CAMK1D: variants seen among roughly 807,000 people sequenced by gnomAD.
CAMK1D encodes calcium/calmodulin-dependent protein kinase type 1D.
CAMK1D carries 9 observed loss-of-function variants against 47.7 expected under a neutral mutation model. The ratio of observed to expected loss-of-function variants is 0.19; its 90% CI spans 0.11 to 0.33. The LOEUF is 0.33. CAMK1D is among the 10% of genes least tolerant of loss of function. CAMK1D has a pLI of 1.00. For missense variants in CAMK1D, 291 were observed against 488.7 expected (o/e 0.60, Z 3.81); for synonymous variants, 184 against 184.9 (o/e 0.99, Z 0.04).
At chr10:12,572,458 G>T (rs1462655050) in intron 2 of CAMK1D, among the ~76,000 whole-genome samples, 3 of 152,078 alleles carry the variant, frequency 2.0e-5, no homozygotes, top group Non-Finnish European at 4.4e-5. Context: ...TTTTTGCATA[G>T]CAAAGGATTG....
chr10:12,786,977 G>T (rs1837752409), intron 5 of CAMK1D, among the ~76,000 whole-genome samples: 1 of 152,170 alleles, frequency 6.6e-6, no homozygotes, highest in Non-Finnish European at 1.5e-5. Context: ...ACAAAAAGTA[G>T]TCAGGCGTGG....
intron 1 of CAMK1D, among the ~76,000 whole-genome samples, chr10:12,418,472 G>A (rs142939464): frequency 3.3e-5 from 5 of 152,268 alleles, no homozygotes; most frequent in East Asian, 1.9e-4. Context: ...GCTGGGCACC[G>A]TGGCATATGC....
At chr10:12,671,698 TTTA>T (rs1159833938) in intron 3 of CAMK1D, among the ~76,000 whole-genome samples, 1 of 151,846 alleles carries the variant, frequency 6.6e-6, no homozygotes, top group African/African-American at 2.4e-5. Flanking sequence ...TAATTTGTCT[TTTA>T]TTGTTGTAAG....
intron 1 of CAMK1D, among the ~76,000 whole-genome samples, chr10:12,502,383 A>C (rs557766011): frequency 6.6e-6 from 1 of 152,152 alleles, no homozygotes; most frequent in Non-Finnish European, 1.5e-5. Flanking sequence ...TTCTCAGGTT[A>C]CCAGTGAGAA....
At chr10:12,377,924 A>T (rs1303782671) in intron 1 of CAMK1D, among the ~76,000 whole-genome samples, 1 of 152,252 alleles carries the variant, frequency 6.6e-6, no homozygotes, top group African/African-American at 2.4e-5. Context: ...AGTTTAAACT[A>T]TATCTTGCAT....
intron 3 of CAMK1D, among the ~76,000 whole-genome samples, chr10:12,731,628 A>G (rs1834888233): frequency 6.6e-6 from 1 of 152,198 alleles, no homozygotes. Context: ...GGGACGGTGT[A>G]TGGCAAGGAG....
At chr10:12,540,922 GTTTT>G (rs200320640) in intron 1 of CAMK1D, among the ~76,000 whole-genome samples, 46 of 145,004 alleles carry the variant, frequency 3.2e-4, no homozygotes, top group East Asian at 7.9e-4. Context: ...TGAGTTATAG[GTTTT>G]TTTTTTTTTT....
chr10:12,639,065 G>T (rs1047993773), intron 2 of CAMK1D, among the ~76,000 whole-genome samples: 10 of 152,236 alleles, frequency 6.6e-5, no homozygotes, highest in East Asian at 3.8e-4. Flanking sequence ...CGTGGAAAGT[G>T]ATCAGTATCC....
Position 12,733,343 on chromosome 10 carries a change from A to G in CAMK1D, c.300-27605A>G, listed in dbSNP as rs144715599. Among the ~76,000 whole-genome samples, 184 of 152,334 alleles carry G rather than the reference A, an allele frequency of 1.2e-3. 1 individual carries two copies. Among genetic ancestry groups the G allele is most frequent in the African/African-American group, 4.1e-3 (171 of 41,570 alleles). On this transcript the variant is annotated intron_variant, in intron 3 of 10. Coordinates refer to ENST00000619168, the MANE Select transcript of CAMK1D (RefSeq NM_153498.4). ...AGAAGGAGAGAATAGTAATATTTTA[A>G]GAGAAAAATTGCAGAATTGAAAACC... is the stretch of plus-strand genomic sequence containing the variant.
chr10:12,732,520 C>T (rs1044277410), intron 3 of CAMK1D, among the ~76,000 whole-genome samples: 7 of 151,818 alleles, frequency 4.6e-5, no homozygotes, highest in African/African-American at 7.3e-5. Context: ...TGGCGGGAGG[C>T]GAAAGGCACT....
intron 2 of CAMK1D, among the ~76,000 whole-genome samples, chr10:12,587,157 C>G (rs1026719622): frequency 6.6e-6 from 1 of 152,158 alleles, no homozygotes; most frequent in Non-Finnish European, 1.5e-5. Flanking sequence ...TCATGGGTTC[C>G]TTTCCTTTTA....
rs1180840216 is a variant in CAMK1D, at chr10:12,833,337, C to T, written c.*4450C>T. The stretch of plus-strand genomic sequence containing the variant: ...GAATGGGGGGAGCCCAGGTGATCCC[C>T]TTTGGAAAGTGGATTGATCCTCTCC... On this transcript the variant is annotated 3_prime_UTR_variant, in exon 11 of 11. Transcript: ENST00000619168. 1 of 152,376 alleles carries T rather than the reference C, an allele frequency of 6.6e-6. No homozygotes were observed. Among genetic ancestry groups the T allele is most frequent in the African/African-American group, 2.4e-5 (1 of 41,466 alleles). 9.4% of individuals were successfully genotyped at this position (152,376 alleles called of 1,614,324 possible).
intron 5 of CAMK1D, among the ~76,000 whole-genome samples, chr10:12,773,254 A>G (rs1229644552): frequency 6.6e-6 from 1 of 152,116 alleles, no homozygotes; most frequent in African/African-American, 2.4e-5. Context: ...CTCAGCATGC[A>G]TTTATTGAGT....
chr10:12,401,793 T>C (rs1839234382), intron 1 of CAMK1D, among the ~76,000 whole-genome samples: 1 of 151,636 alleles, frequency 6.6e-6, no homozygotes, highest in Non-Finnish European at 1.5e-5. Flanking sequence ...GATGGATGAA[T>C]GAGAAGACGG....
At chr10:12,732,143 A>G (rs568257985) in intron 3 of CAMK1D, among the ~76,000 whole-genome samples, 1 of 152,304 alleles carries the variant, frequency 6.6e-6, no homozygotes, top group South Asian at 2.1e-4. Flanking sequence ...CAGGAGGCTG[A>G]GGCAGGAGAA....
intron 1 of CAMK1D, among the ~76,000 whole-genome samples, chr10:12,419,899 C>T (rs761853965): frequency 1.3e-5 from 2 of 151,546 alleles, no homozygotes; most frequent in Non-Finnish European, 2.9e-5. Context: ...TTTTAGTAAG[C>T]AGTGAATAAT....
intron 4 of CAMK1D, among the ~76,000 whole-genome samples, chr10:12,767,997 C>G (rs1380500169): frequency 6.6e-6 from 1 of 152,170 alleles, no homozygotes; most frequent in African/African-American, 2.4e-5. Flanking sequence ...CTCAGCCTCC[C>G]AAGTAGCTGG....
At chr10:12,676,973 T>G (rs1249874642) in intron 3 of CAMK1D, among the ~76,000 whole-genome samples, 1 of 152,160 alleles carries the variant, frequency 6.6e-6, no homozygotes, top group Non-Finnish European at 1.5e-5. Flanking sequence ...TGTTGTGAGT[T>G]TTTTACCAGT....
chr10:12,814,109 G>T, intron 6 of CAMK1D, 86 bp from the exon 7 acceptor site: 1 of 875,968 alleles, frequency 1.1e-6, no homozygotes, highest in South Asian at 1.5e-5. Flanking sequence ...AACTCAGTTG[G>T]TAATGTCTCT....
Sources: gnomAD v4.1 joint callset for allele counts (sites outside exome capture counted in the v4.1 genomes callset) on GRCh38, gnomAD v4.1.1 for gene constraint, MANE v1.5 for transcripts, NCBI Gene and HGNC (gene_info 2026-07-23, HGNC 2026-07-21) for gene names.